ADCY5: variants seen among roughly 807,000 people sequenced by gnomAD.
ADCY5 encodes adenylate cyclase 5.
A neutral mutation model predicts 119.7 loss-of-function variants in ADCY5; 30 were observed. The observed-to-expected ratio is 0.25, with a 90% confidence interval of 0.19 to 0.34. The LOEUF is 0.34. ADCY5 is among the 10% of genes least tolerant of loss of function. The pLI, the probability that ADCY5 is intolerant of heterozygous loss-of-function variation, is 1.00. For synonymous variants in ADCY5, 753 were observed against 762.2 expected (o/e 0.99, Z 0.20); for missense variants, 1,324 against 1,775.2 (o/e 0.75, Z 4.57).
At chr3:123,314,203 G>A (rs1191775935) in intron 12 of ADCY5, 32 bp downstream of exon 12, 3 of 1,562,798 alleles carry the variant, frequency 1.9e-6, no homozygotes, top group Non-Finnish European at 2.6e-6. Context: ...CGGGAAGAAG[G>A]TGGCTGCAAC....
chr3:123,373,780 C>G (rs552752400), intron 1 of ADCY5, among the ~76,000 whole-genome samples: 2 of 136,772 alleles, frequency 1.5e-5, no homozygotes, highest in African/African-American at 5.2e-5. Flanking sequence ...CCGACCCCCC[C>G]GCAGGTAGCA....
chr3:123,345,769 G>GACACACAGACACACAGACACACACAC (rs1553731376), intron 3 of ADCY5, among the ~76,000 whole-genome samples: 24 of 113,836 alleles, frequency 2.1e-4, no homozygotes, highest in African/African-American at 8.7e-4. Context: ...CAGACAGACA[G>GACACACAGACACACAGACACACACAC]ACACACACAC....
intron 1 of ADCY5, among the ~76,000 whole-genome samples, chr3:123,404,911 C>T (rs1944862681): frequency 6.6e-6 from 1 of 152,238 alleles, no homozygotes; most frequent in African/African-American, 2.4e-5. Context: ...CCATCTTCAA[C>T]TGGCTCTGAA....
chr3:123,289,088 A>G (rs1938966993), intron 19 of ADCY5, among the ~76,000 whole-genome samples: 1 of 152,264 alleles, frequency 6.6e-6, no homozygotes, highest in Admixed American at 6.5e-5. Flanking sequence ...AGAAGTCAGA[A>G]TATAATCATT....
At chr3:123,330,174 C>G (rs1349843649) in intron 5 of ADCY5, among the ~76,000 whole-genome samples, 1 of 152,232 alleles carries the variant, frequency 6.6e-6, no homozygotes, top group Non-Finnish European at 1.5e-5. Context: ...CTGAGCCAAA[C>G]CAACGGACCC....
At chr3:123,329,820 G>A (rs1001628186) in intron 5 of ADCY5, among the ~76,000 whole-genome samples, 8 of 152,154 alleles carry the variant, frequency 5.3e-5, no homozygotes, top group African/African-American at 1.7e-4. Flanking sequence ...AATCAACTTG[G>A]TAAATACCTC....
chr3:123,404,758 T>A (rs777401770), intron 1 of ADCY5, among the ~76,000 whole-genome samples: 1 of 152,134 alleles, frequency 6.6e-6, no homozygotes, highest in Non-Finnish European at 1.5e-5. Context: ...TGGAGCCTGA[T>A]GGGAAAAATC....
In ADCY5 at chr3:123,406,094, C is replaced by A. The variant is rs992181780; in HGVS notation, c.1134+41318G>T. Among the ~76,000 whole-genome samples the A allele has an allele frequency of 3.6e-4, 55 of 152,204 alleles. 2 individuals carry two copies. Among genetic ancestry groups the A allele is most frequent in the Admixed American group, 3.3e-3 (51 of 15,286 alleles). ...AACCAACCAATCCAGAGGCCATACT[C>A]CCAACCACCTTCTTTATTGGGTTCT... On this transcript the variant is annotated intron_variant, in intron 1 of 20. Coordinates refer to ENST00000462833, the MANE Select transcript of ADCY5 (RefSeq NM_183357.3).
chr3:123,294,396 G>C (rs1939360599), intron 17 of ADCY5, among the ~76,000 whole-genome samples: 1 of 152,324 alleles, frequency 6.6e-6, no homozygotes, highest in Middle Eastern at 3.4e-3. Context: ...AATACAAAGG[G>C]GGAAAAGGGG....
In ADCY5 at chr3:123,449,006, TCGG is replaced by T; in HGVS notation, c.-464_-462del. 6.4e-6 allele frequency: 1 copy of T among 156,824 alleles called. No homozygotes were observed. The highest frequency in any genetic ancestry group is 1.9e-4 in the South Asian group (1 of 5,292). The allele number at this position is 156,824 out of a possible 1,614,324, so 9.7% of individuals were successfully genotyped here. On this transcript the variant is annotated 5_prime_UTR_variant, in exon 1 of 21. Coordinates refer to ENST00000462833, the MANE Select transcript of ADCY5 (RefSeq NM_183357.3). Reference sequence around the variant, plus strand: ...AGCGGAGCCCAGCTGCTCTCGGGGCTCGGCGGCGGCGAGGGCGGCTCGGCGGGG... The same window carrying T: ...AGCGGAGCCCAGCTGCTCTCGGGGCTCGGCGGCGAGGGCGGCTCGGCGGGG...
chr3:123,354,465 G>A (rs1170903233), intron 1 of ADCY5, among the ~76,000 whole-genome samples: 2 of 152,194 alleles, frequency 1.3e-5, no homozygotes, highest in Non-Finnish European at 2.9e-5. Flanking sequence ...AATAGACCAT[G>A]GCCTGAAGTA....
chr3:123,425,485 T>G (rs1188249661), intron 1 of ADCY5, among the ~76,000 whole-genome samples: 3 of 152,154 alleles, frequency 2.0e-5, no homozygotes, highest in Admixed American at 6.5e-5. Context: ...ACTGCATGTG[T>G]GCATGTCTTG....
chr3:123,432,028 G>A (rs1438991352), intron 1 of ADCY5, among the ~76,000 whole-genome samples: 2 of 152,100 alleles, frequency 1.3e-5, no homozygotes, highest in African/African-American at 2.4e-5. Flanking sequence ...GCTCCTTGAC[G>A]TACCTTTACT....
At chr3:123,340,436 G>A (rs563120615) in intron 3 of ADCY5, among the ~76,000 whole-genome samples, 1 of 152,244 alleles carries the variant, frequency 6.6e-6, no homozygotes, top group East Asian at 1.9e-4. Flanking sequence ...TACTTCTTAT[G>A]TCTAAACTTT....
At position 123,447,610 on chromosome 3, in the gene ADCY5, G is replaced by C; in HGVS notation, c.936C>G (p.Val312=). Residue 312 remains valine, a synonymous_variant, in exon 1 of 21, where the codon GTC becomes GTG. Transcript: ENST00000462833. ...CYALIAVVLA[V]QVVGLLLPQP... ...GCGGCAGCAGCAGGCCCACCACCTG[G>C]ACGGCCAGCACCACGGCGATGAGCG... 1.2e-6 allele frequency: 2 copies of C among 1,607,782 alleles called. No homozygotes were observed. The highest frequency in any genetic ancestry group is 1.7e-6 in the Non-Finnish European group (2 of 1,178,782).
chr3:123,314,174 C>A (rs1035230801), intron 12 of ADCY5, 61 bp downstream of exon 12: 7 of 1,413,112 alleles, frequency 5.0e-6, no homozygotes, highest in Non-Finnish European at 6.9e-6. Context: ...CTGGGTAGGG[C>A]CCCTAGGGCT....
intron 9 of ADCY5, among the ~76,000 whole-genome samples, chr3:123,320,483 G>A (rs1294621789): frequency 1.3e-5 from 2 of 152,248 alleles, no homozygotes; most frequent in South Asian, 2.1e-4. Flanking sequence ...AGCCATGTGT[G>A]CACACGTGCA....
chr3:123,375,381 A>T (rs1439144006), intron 1 of ADCY5, among the ~76,000 whole-genome samples: 4 of 152,234 alleles, frequency 2.6e-5, no homozygotes, highest in Non-Finnish European at 4.4e-5. Context: ...TGTTGCCAGT[A>T]ATCTCAGCCA....
chr3:123,336,375 T>C (rs923665232), intron 3 of ADCY5, among the ~76,000 whole-genome samples: 14 of 152,360 alleles, frequency 9.2e-5, no homozygotes, highest in Middle Eastern at 3.4e-3. Flanking sequence ...CCAGACTGGC[T>C]GCACATGAGT....
Sources: allele counts gnomAD v4.1 joint callset (sites outside exome capture counted in the v4.1 genomes callset), GRCh38; gene constraint gnomAD v4.1.1; transcripts MANE v1.5; gene names NCBI Gene and HGNC (gene_info 2026-07-23, HGNC 2026-07-21).